The following C2CD3 variants were observed in gnomAD, a reference collection of about 807,000 sequenced individuals.
The protein encoded by C2CD3 is C2 domain-containing protein 3.
C2CD3 carries 148 observed loss-of-function variants against 234.0 expected under a neutral mutation model. The ratio of observed to expected loss-of-function variants is 0.63; its 90% CI spans 0.55 to 0.72. C2CD3 has a LOEUF of 0.72. C2CD3 is among the 30% of genes least tolerant of loss of function. The pLI is 0.00. For missense variants in C2CD3, 2,577 were observed against 2,811.5 expected, an observed-to-expected ratio of 0.92 and a Z score of 1.89; for synonymous variants, 1,000 against 1,035.4, an observed-to-expected ratio of 0.97 and a Z score of 0.66.
chr11:74,130,392 A>G (rs1413658050), intron 7 of C2CD3, among the ~76,000 whole-genome samples: 1 of 151,838 alleles, frequency 6.6e-6, no homozygotes, highest in African/African-American at 2.4e-5. Context: ...TACCTAGCTA[A>G]TCTTTTTTAT....
At chr11:74,112,710 T>C (rs570551141) in intron 11 of C2CD3, among the ~76,000 whole-genome samples, 4 of 152,200 alleles carry the variant, frequency 2.6e-5, no homozygotes, top group East Asian at 1.9e-4. Context: ...CTTGACATGA[T>C]TGGCCATCAG....
At chr11:74,040,667 A>G (rs1952993097) in intron 29 of C2CD3, among the ~76,000 whole-genome samples, 1 of 152,108 alleles carries the variant, frequency 6.6e-6, no homozygotes, top group African/African-American at 2.4e-5. Flanking sequence ...GAGGCAGAAG[A>G]ATCGCTTGAA....
At chr11:74,136,956 AT>A (rs1368049501) in intron 5 of C2CD3, among the ~76,000 whole-genome samples, 67 of 144,832 alleles carry the variant, frequency 4.6e-4, no homozygotes, top group African/African-American at 1.4e-3. Context: ...ATAAAAAAAA[AT>A]AAAAGTTAAA....
At chr11:74,072,551 C>T (rs975803917) in intron 24 of C2CD3, among the ~76,000 whole-genome samples, 1 of 152,156 alleles carries the variant, frequency 6.6e-6, no homozygotes, top group African/African-American at 2.4e-5. Flanking sequence ...CACATCTGAA[C>T]ATTGTTAATC....
intron 16 of C2CD3, among the ~76,000 whole-genome samples, chr11:74,097,251 C>T (rs1486863483): frequency 6.6e-6 from 1 of 152,088 alleles, no homozygotes; most frequent in Non-Finnish European, 1.5e-5. Flanking sequence ...ATAGTTCTTT[C>T]CCTGCTAGAG....
At chr11:74,139,850 T>C (rs1957989786) in intron 3 of C2CD3, 22 bp from the exon 4 acceptor site, 3 of 1,462,754 alleles carry the variant, frequency 2.1e-6, no homozygotes, top group South Asian at 1.1e-5. Context: ...AGGTAGTATA[T>C]GAGAAATTTT....
rs560058360 is a variant in C2CD3, at chr11:74,028,088, G to C, written c.6921+199C>G. 3.3e-5 allele frequency among the ~76,000 whole-genome samples: 5 copies of C among 152,188 alleles called. No individual in the cohort carries two copies. The East Asian group carries it at 9.6e-4, about 29-fold the overall frequency. ...TCTTGGCTGACAATGCCCTGCTCTT[G>C]CATATTTGCTCTTCCTCACTTTTCC... On this transcript the variant is annotated intron_variant, in intron 32 of 32. Transcript: ENST00000334126.
At position 74,078,093 on chromosome 11, in the gene C2CD3, T is replaced by C. The variant is rs780420656; in HGVS notation, c.4603+22A>G. 1.0e-5 allele frequency: 16 copies of C among 1,599,430 alleles called. 1 individual carries two copies. The South Asian group carries it at 1.8e-4, about 18-fold the overall frequency. On this transcript the variant is annotated intron_variant, in intron 23 of 32. Coordinates refer to ENST00000334126, the MANE Select transcript of C2CD3 (RefSeq NM_001286577.2). Reference sequence around the variant, plus strand: ...AGAGCAGGTGCTCAAACTACAAGAGTTGAATCAGGCTCCTCACTTACCACT... The same window carrying C: ...AGAGCAGGTGCTCAAACTACAAGAGCTGAATCAGGCTCCTCACTTACCACT...
At position 74,118,286 on chromosome 11, in the gene C2CD3, T is replaced by TA; in HGVS notation, c.1461dup (p.Lys488Ter). On this transcript the variant is annotated frameshift_variant, in exon 9 of 33. Coordinates refer to ENST00000334126, the MANE Select transcript of C2CD3 (RefSeq NM_001286577.2). LOFTEE classifies it high-confidence loss of function. Reference sequence around the variant, plus strand: ...TTATGATCACTTGACTCCAGAACCTTAGATGATCTGGCAAGAGCTGTTGAC... The same window carrying TA: ...TTATGATCACTTGACTCCAGAACCTTAAGATGATCTGGCAAGAGCTGTTGAC... The TA allele has an allele frequency of 6.2e-7, 1 of 1,613,296 alleles. No homozygotes were observed. The highest frequency in any genetic ancestry group is 8.5e-7 in the Non-Finnish European group (1 of 1,179,300).
At chr11:74,168,000 G>A in intron 2 of C2CD3, 1 of 218,746 alleles carries the variant, frequency 4.6e-6, no homozygotes, top group Non-Finnish European at 9.2e-6. Context: ...GAGTTTTGGT[G>A]ACAGACAGAA....
chr11:74,040,547 G>T (rs1267881857), intron 29 of C2CD3, among the ~76,000 whole-genome samples: 1 of 152,028 alleles, frequency 6.6e-6, no homozygotes, highest in African/African-American at 2.4e-5. Context: ...ACGAGGTCAG[G>T]AGTTTGAGAC....
intron 9 of C2CD3, among the ~76,000 whole-genome samples, chr11:74,116,848 GTA>G (rs201835060): frequency 0.012 from 1,568 of 135,414 alleles, 29 homozygotes; most frequent in African/African-American, 0.04. Context: ...ATATACACGT[GTA>G]TATGTGTATA....
chr11:74,157,466 C>CTATT (rs1856108227), intron 3 of C2CD3, among the ~76,000 whole-genome samples: 1 of 152,014 alleles, frequency 6.6e-6, no homozygotes, highest in African/African-American at 2.4e-5. Context: ...TAAAGTGTCA[C>CTATT]TATTTTAACA....
intron 18 of C2CD3, among the ~76,000 whole-genome samples, chr11:74,092,816 C>T (rs1051500819): frequency 6.6e-6 from 1 of 152,122 alleles, no homozygotes; most frequent in Non-Finnish European, 1.5e-5. Flanking sequence ...GTTTTCTGTG[C>T]GGTAACTGTA....
intron 3 of C2CD3, among the ~76,000 whole-genome samples, chr11:74,159,112 A>T (rs1856256127): frequency 6.6e-6 from 1 of 152,206 alleles, no homozygotes. Flanking sequence ...CCTAGTGACT[A>T]TAGTGTTGTA....
chr11:74,149,839 A>C (rs1455785473), intron 3 of C2CD3, among the ~76,000 whole-genome samples: 1 of 152,090 alleles, frequency 6.6e-6, no homozygotes, highest in Non-Finnish European at 1.5e-5. Context: ...GAGAGGTACA[A>C]ATTTTTGAGA....
At chr11:74,144,934 T>C (rs913061595) in intron 3 of C2CD3, among the ~76,000 whole-genome samples, 2 of 152,208 alleles carry the variant, frequency 1.3e-5, no homozygotes, top group East Asian at 1.9e-4. Flanking sequence ...GTCTTTGTGA[T>C]AGAACAATTT....
At chr11:74,087,156 T>A (rs752421342) in intron 20 of C2CD3, among the ~76,000 whole-genome samples, 2 of 152,230 alleles carry the variant, frequency 1.3e-5, no homozygotes, top group Non-Finnish European at 2.9e-5. Flanking sequence ...CATTAATAGA[T>A]GATTTATCAT....
At position 74,033,771 on chromosome 11, in the gene C2CD3, A is replaced by G. The variant is rs1436816333; in HGVS notation, c.6389T>C (p.Leu2130Pro). The G allele has an allele frequency of 6.5e-6, 10 of 1,536,200 alleles. No individual in the cohort carries two copies. Among genetic ancestry groups the G allele is most frequent in the Middle Eastern group, 1.7e-4 (1 of 6,014 alleles). Residue 2130 changes from leucine to proline, a missense_variant, in exon 31 of 33, where the codon CTC becomes CCC. Transcript: ENST00000334126. ...GTTGACAGCCCTTTCTGGGCTGGAG[A>G]GAAAGCTACTTTTGACCATAAGCTC... ...REELMVKSSF[L>P]SSPERAVNPH...
Sources: allele counts gnomAD v4.1 joint callset (sites outside exome capture counted in the v4.1 genomes callset), GRCh38; gene constraint gnomAD v4.1.1; transcripts MANE v1.5; gene names NCBI Gene and HGNC (gene_info 2026-07-23, HGNC 2026-07-21).